Variants in TSHZ2 observed in about 807,000 individuals in gnomAD.
TSHZ2 encodes the protein teashirt zinc finger homeobox 2.
In TSHZ2, 21 loss-of-function variants were observed where a neutral mutation model predicts 74.4. The observed-to-expected ratio is 0.28, with a 90% confidence interval of 0.20 to 0.41. TSHZ2 has a LOEUF of 0.41. Ranked by LOEUF, TSHZ2 falls within the 10% of genes least tolerant of loss-of-function variation. The probability of loss-of-function intolerance (pLI) is 1.00; values close to 1 mark genes in which losing one functional copy is unlikely to be tolerated. For synonymous variants in TSHZ2, 540 were observed against 515.3 expected (o/e 1.05, Z -0.65); for missense variants, 1,244 against 1,293.5 (o/e 0.96, Z 0.59).
rs1986385444 is a variant in TSHZ2 at position 53,489,375 on chromosome 20, C to T, written c.*2240C>T. ...GGGTGGACTGGACTCTACTGAGCAC[C>T]GTCCTTCAACAAGGAAATTCTATTA... On this transcript the variant is annotated 3_prime_UTR_variant, in exon 3 of 3. Coordinates refer to ENST00000371497, the MANE Select transcript of TSHZ2 (RefSeq NM_173485.6). 1 of 340,840 alleles carries T rather than the reference C, an allele frequency of 2.9e-6. No homozygotes were observed. The highest frequency in any genetic ancestry group is 2.3e-5 in the South Asian group (1 of 42,634). 21.1% of individuals were successfully genotyped at this position (340,840 alleles called of 1,614,324 possible).
At chr20:53,478,510 T>G (rs1188753391) in intron 2 of TSHZ2, among the ~76,000 whole-genome samples, 2 of 100,274 alleles carry the variant, frequency 2.0e-5, no homozygotes, top group South Asian at 3.7e-4. Flanking sequence ...TGGGGACTGT[T>G]GTAGGGTGGG....
chr20:53,461,149 G>C (rs1015603464), intron 2 of TSHZ2, among the ~76,000 whole-genome samples: 3 of 151,890 alleles, frequency 2.0e-5, no homozygotes, highest in African/African-American at 7.3e-5. Context: ...CCTCGCTGCC[G>C]CCTTGCAGTT....
intron 1 of TSHZ2, among the ~76,000 whole-genome samples, chr20:53,191,842 C>T (rs1405867123): frequency 6.6e-6 from 1 of 152,172 alleles, no homozygotes; most frequent in Non-Finnish European, 1.5e-5. Context: ...AATATACATA[C>T]ATGTCAGCAG....
chr20:53,096,933 CA>C (rs922937368), intron 1 of TSHZ2, among the ~76,000 whole-genome samples: 10 of 139,268 alleles, frequency 7.2e-5, no homozygotes, highest in African/African-American at 8.4e-5. Context: ...AAAACAAAAA[CA>C]AAAAACAAAA....
At chr20:53,213,371 C>A (rs559488249) in intron 1 of TSHZ2, among the ~76,000 whole-genome samples, 235 of 152,210 alleles carry the variant, frequency 1.5e-3, no homozygotes, top group African/African-American at 5.5e-3. Context: ...TCCCTGAATT[C>A]CTTCTGCTGC....
intron 1 of TSHZ2, among the ~76,000 whole-genome samples, chr20:53,152,285 C>T (rs1371223876): frequency 6.6e-6 from 1 of 152,088 alleles, no homozygotes; most frequent in African/African-American, 2.4e-5. Flanking sequence ...ACTCAGGTGA[C>T]TTAGGAGCTT....
chr20:53,453,869 G>A (rs1361473068), intron 2 of TSHZ2, among the ~76,000 whole-genome samples: 1 of 152,134 alleles, frequency 6.6e-6, no homozygotes, highest in Non-Finnish European at 1.5e-5. Flanking sequence ...TCCTGGGAAT[G>A]ACAGACTGGT....
intron 2 of TSHZ2, among the ~76,000 whole-genome samples, chr20:53,472,590 G>T (rs906127345): frequency 6.6e-6 from 1 of 152,154 alleles, no homozygotes; most frequent in African/African-American, 2.4e-5. Context: ...GCACGCAGAC[G>T]ATATTTCAAG....
chr20:53,222,804 A>G (rs1274468016), intron 1 of TSHZ2, among the ~76,000 whole-genome samples: 1 of 152,220 alleles, frequency 6.6e-6, no homozygotes, highest in Non-Finnish European at 1.5e-5. Flanking sequence ...AAATAAATAC[A>G]TTAGAAGCCT....
chr20:53,023,612 G>A (rs945417037), intron 1 of TSHZ2, among the ~76,000 whole-genome samples: 2 of 50,630 alleles, frequency 4.0e-5, no homozygotes, highest in South Asian at 8.3e-4. Flanking sequence ...GCTTTAACTC[G>A]TTTTTTGTTT....
At chr20:53,370,834 G>C (rs1239928175) in intron 2 of TSHZ2, among the ~76,000 whole-genome samples, 1 of 152,170 alleles carries the variant, frequency 6.6e-6, no homozygotes, top group African/African-American at 2.4e-5. Flanking sequence ...GGGATGGCAC[G>C]TTCATTTCCT....
At chr20:52,976,785 TC>T (rs1456067350) in intron 1 of TSHZ2, among the ~76,000 whole-genome samples, 1 of 152,184 alleles carries the variant, frequency 6.6e-6, no homozygotes, top group Non-Finnish European at 1.5e-5. Context: ...TGTGAATATA[TC>T]TTTTATATAT....
At chr20:53,466,794 T>C (rs1280960742) in intron 2 of TSHZ2, among the ~76,000 whole-genome samples, 1 of 152,178 alleles carries the variant, frequency 6.6e-6, no homozygotes, top group African/African-American at 2.4e-5. Flanking sequence ...GTTGTCCTGA[T>C]CTTTGTGACC....
chr20:53,455,406 G>C (rs1050291126), intron 2 of TSHZ2: 1 of 152,052 alleles, frequency 6.6e-6, no homozygotes, highest in Non-Finnish European at 1.5e-5. Context: ...TGAAGCAAAT[G>C]TTTTCCCAAT....
chr20:53,214,946 A>G (rs1459314634), intron 1 of TSHZ2, among the ~76,000 whole-genome samples: 1 of 152,122 alleles, frequency 6.6e-6, no homozygotes, highest in Non-Finnish European at 1.5e-5. Flanking sequence ...TAAAAGGTTG[A>G]GATAAGAGTT....
chr20:53,286,586 T>C lies in TSHZ2; in HGVS notation c.*8+30015T>C, dbSNP rs139934366. Among the ~76,000 whole-genome samples the C allele has an allele frequency of 2.7e-3, 409 of 152,270 alleles. 2 individuals carry two copies. The highest frequency in any genetic ancestry group is 4.0e-3 in the Non-Finnish European group (271 of 68,020). On this transcript the variant is annotated intron_variant, in intron 2 of 2. Coordinates refer to ENST00000371497, the MANE Select transcript of TSHZ2 (RefSeq NM_173485.6). ...CTAAGAACATTTTATCTTCTACAGCTTTATTCAAATATGTAAAAACAGGCA... is the reference window on the plus strand; with the variant it reads ...CTAAGAACATTTTATCTTCTACAGCCTTATTCAAATATGTAAAAACAGGCA...
At chr20:53,343,488 C>A (rs1980304843) in intron 2 of TSHZ2, among the ~76,000 whole-genome samples, 1 of 152,222 alleles carries the variant, frequency 6.6e-6, no homozygotes, top group Admixed American at 6.5e-5. Context: ...AAATCCCAGG[C>A]ACTAACATTC....
At chr20:53,164,889 A>G (rs1242817135) in intron 1 of TSHZ2, among the ~76,000 whole-genome samples, 2 of 152,230 alleles carry the variant, frequency 1.3e-5, no homozygotes, top group African/African-American at 2.4e-5. Flanking sequence ...GTTGCCTACC[A>G]TAAAAGGACA....
chr20:53,175,050 C>T (rs959956900), intron 1 of TSHZ2, among the ~76,000 whole-genome samples: 4 of 150,414 alleles, frequency 2.7e-5, no homozygotes, highest in Non-Finnish European at 5.9e-5. Flanking sequence ...TGAGACGTAA[C>T]GGGGGCAGCA....
Sources: allele counts gnomAD v4.1 joint callset (sites outside exome capture counted in the v4.1 genomes callset), GRCh38; gene constraint gnomAD v4.1.1; transcripts MANE v1.5; gene names NCBI Gene and HGNC (gene_info 2026-07-23, HGNC 2026-07-21).